The following TBC1D22A variants were observed in gnomAD, a reference collection of about 807,000 sequenced individuals.
The protein encoded by TBC1D22A is TBC1 domain family member 22A.
TBC1D22A carries 38 observed loss-of-function variants against 60.2 expected under a neutral mutation model. That is an observed-to-expected ratio of 0.63 (90% confidence interval 0.49 to 0.83). TBC1D22A has a LOEUF of 0.83. Among genes scored for constraint, TBC1D22A ranks in the 40% least tolerant of loss-of-function variants. The probability of loss-of-function intolerance (pLI) is 0.00; values close to 1 mark genes in which losing one functional copy is unlikely to be tolerated. For synonymous variants in TBC1D22A, 302 were observed against 281.7 expected (o/e 1.07, Z -0.72); for missense variants, 628 against 701.0 (o/e 0.90, Z 1.18).
chr22:46,999,147 C>G (rs2075222928), intron 10 of TBC1D22A, among the ~76,000 whole-genome samples: 1 of 152,172 alleles, frequency 6.6e-6, no homozygotes, highest in Non-Finnish European at 1.5e-5. Flanking sequence ...CTCGTTTGTT[C>G]CGGTGCTGCA....
In TBC1D22A at chr22:47,147,579, G is replaced by A. The variant is rs187711015; in HGVS notation, c.1426-25919G>A. 3.6e-3 allele frequency among the ~76,000 whole-genome samples: 550 copies of A among 152,362 alleles called. 1 individual carries two copies. Among genetic ancestry groups the A allele is most frequent in the Non-Finnish European group, 5.9e-3 (404 of 68,036 alleles). ...CTCAGAGAGGCCTTGGGGCATAGGT[G>A]CGCCCTGCTGTTTCCATCCGGGCTG... is the stretch of plus-strand genomic sequence containing the variant. On this transcript the variant is annotated intron_variant, in intron 12 of 12. Transcript: ENST00000337137.
intron 12 of TBC1D22A, among the ~76,000 whole-genome samples, chr22:47,170,908 G>A (rs112024970): frequency 0.026 from 3,986 of 150,888 alleles, 1,384 homozygotes; most frequent in Non-Finnish European, 0.044. Context: ...CCGGAGAGAG[G>A]GCAGTCCTGG....
In TBC1D22A at chr22:46,941,108, T is replaced by TACACAC. The variant is rs145138507; in HGVS notation, c.1015+28954_1015+28959dup. Among the ~76,000 whole-genome samples, 125 of 77,454 alleles carry TACACAC rather than the reference T, an allele frequency of 1.6e-3. 3 individuals carry two copies. Among genetic ancestry groups the TACACAC allele is most frequent in the African/African-American group, 4.2e-3 (75 of 17,866 alleles). 50.8% of individuals were successfully genotyped at this position (77,454 alleles called of 152,430 possible). Reference sequence around the variant, plus strand: ...CAGCATGGGGACTGGGGCACTAGCATACACACACACACACACACACACACA... The same window carrying TACACAC: ...CAGCATGGGGACTGGGGCACTAGCATACACACACACACACACACACACACACACACA... On this transcript the variant is annotated intron_variant, in intron 8 of 12. Transcript: ENST00000337137.
Position 46,974,230 on chromosome 22 carries a change from G to C in TBC1D22A, c.1016-60G>C, listed in dbSNP as rs780424057. 4.2e-6 allele frequency: 6 copies of C among 1,439,598 alleles called. No homozygotes were observed. The South Asian group carries it at 6.1e-5, about 15-fold the overall frequency. The allele number at this position is 1,439,598 out of a possible 1,614,324, so 89.2% of individuals were successfully genotyped here. On this transcript the variant is annotated intron_variant, in intron 8 of 12. Coordinates refer to ENST00000337137, the MANE Select transcript of TBC1D22A (RefSeq NM_014346.5). ...GCTCTGTTCCTCCGTGGGCCCCCTC[G>C]TGGGTCGAGGTCCCGTGTGGCTAAG...
At chr22:46,806,849 T>C (rs1349640598) in intron 4 of TBC1D22A, among the ~76,000 whole-genome samples, 1 of 152,180 alleles carries the variant, frequency 6.6e-6, no homozygotes, top group Non-Finnish European at 1.5e-5. Flanking sequence ...GTGCTGATCT[T>C]CGGCCAGTCA....
intron 10 of TBC1D22A, among the ~76,000 whole-genome samples, chr22:47,033,808 C>G (rs2062566954): frequency 2.0e-5 from 3 of 152,136 alleles, no homozygotes; most frequent in African/African-American, 7.2e-5. Context: ...TCACCTGGTG[C>G]CACCGCAGGA....
intron 4 of TBC1D22A, among the ~76,000 whole-genome samples, chr22:46,826,730 GT>G (rs1331126064): frequency 6.6e-6 from 1 of 152,104 alleles, no homozygotes; most frequent in Non-Finnish European, 1.5e-5. Flanking sequence ...GTGAAGTGTT[GT>G]ACCCATTTTA....
chr22:46,810,873 G>A (rs189346250), intron 4 of TBC1D22A, among the ~76,000 whole-genome samples: 3 of 152,228 alleles, frequency 2.0e-5, no homozygotes, highest in Non-Finnish European at 4.4e-5. Flanking sequence ...TGGGAGATAG[G>A]AGACACCAAA....
intron 9 of TBC1D22A, among the ~76,000 whole-genome samples, chr22:46,976,828 C>A (rs1405201218): frequency 1.3e-5 from 2 of 152,226 alleles, no homozygotes; most frequent in African/African-American, 2.4e-5. Flanking sequence ...GGCTCTGTGG[C>A]AGCCGTCCAC....
chr22:46,878,792 G>A (rs1469497721), intron 5 of TBC1D22A, 69 bp downstream of exon 5: 1 of 1,486,350 alleles, frequency 6.7e-7, no homozygotes, highest in African/African-American at 1.4e-5. Flanking sequence ...TCTGGCCTGA[G>A]TAGGGCCTGA....
chr22:46,873,229 A>G (rs1440441793), intron 4 of TBC1D22A, among the ~76,000 whole-genome samples: 1 of 152,238 alleles, frequency 6.6e-6, no homozygotes, highest in African/African-American at 2.4e-5. Context: ...ATATGGGTAA[A>G]GGATTTCAAC....
chr22:47,079,391 C>T (rs956035730), intron 11 of TBC1D22A, among the ~76,000 whole-genome samples: 1 of 151,966 alleles, frequency 6.6e-6, no homozygotes, highest in Admixed American at 6.6e-5. Flanking sequence ...CCAGCCGGGA[C>T]AGACATCTTG....
chr22:47,102,089 C>T (rs1182794419), intron 11 of TBC1D22A, among the ~76,000 whole-genome samples: 1 of 152,192 alleles, frequency 6.6e-6, no homozygotes, highest in African/African-American at 2.4e-5. Context: ...GTCCCCCAAC[C>T]CCCACTTGCC....
At chr22:46,807,960 G>A (rs955113464) in intron 4 of TBC1D22A, among the ~76,000 whole-genome samples, 2 of 150,790 alleles carry the variant, frequency 1.3e-5, no homozygotes, top group African/African-American at 2.4e-5. Context: ...GAGCAACACC[G>A]TGTCTCTAAA....
At chr22:47,095,829 G>A (rs1282449886) in intron 11 of TBC1D22A, among the ~76,000 whole-genome samples, 1 of 152,252 alleles carries the variant, frequency 6.6e-6, no homozygotes, top group African/African-American at 2.4e-5. Flanking sequence ...TCCCAGTGAG[G>A]GGATGCTGAG....
intron 1 of TBC1D22A, among the ~76,000 whole-genome samples, chr22:46,786,935 C>G (rs936830074): frequency 6.6e-6 from 1 of 152,164 alleles, no homozygotes; most frequent in South Asian, 2.1e-4. Flanking sequence ...GATCCTCCCA[C>G]CTTGGCTTCC....
chr22:46,860,540 G>A (rs1471348050), intron 4 of TBC1D22A, among the ~76,000 whole-genome samples: 2 of 130,738 alleles, frequency 1.5e-5, no homozygotes, highest in African/African-American at 6.0e-5. Context: ...GCCCCTTCCT[G>A]GGACCAGAAT....
intron 10 of TBC1D22A, among the ~76,000 whole-genome samples, chr22:47,036,832 C>T (rs1479015274): frequency 6.6e-6 from 1 of 152,222 alleles, no homozygotes; most frequent in Non-Finnish European, 1.5e-5. Flanking sequence ...CCGAACATGT[C>T]CATGATTATA....
At chr22:47,144,354 A>G (rs1413508905) in intron 12 of TBC1D22A, among the ~76,000 whole-genome samples, 1 of 152,102 alleles carries the variant, frequency 6.6e-6, no homozygotes, top group Non-Finnish European at 1.5e-5. Context: ...TTGTGTTTGG[A>G]AAGGGCCCTT....
Sources: allele counts gnomAD v4.1 joint callset (sites outside exome capture counted in the v4.1 genomes callset), GRCh38; gene constraint gnomAD v4.1.1; transcripts MANE v1.5; gene names NCBI Gene and HGNC (gene_info 2026-07-23, HGNC 2026-07-21).